PODN: variants seen among roughly 807,000 people sequenced by gnomAD.
PODN encodes podocan.
PODN carries 40 observed loss-of-function variants against 52.7 expected under a neutral mutation model. The ratio of observed to expected loss-of-function variants is 0.76; its 90% CI spans 0.59 to 0.99. The LOEUF (loss-of-function observed/expected upper bound fraction) is 0.99, where lower values mean the gene tolerates loss of function less well. Among genes scored for constraint, PODN ranks in the 50% least tolerant of loss-of-function variants. PODN has a pLI of 0.00. For missense variants in PODN, 720 were observed against 815.1 expected (o/e 0.88, Z 1.42); for synonymous variants, 396 against 377.9 (o/e 1.05, Z -0.56).
chr1:53,063,076 C>G (rs957325181), intron 1 of PODN, among the ~76,000 whole-genome samples: 14 of 152,008 alleles, frequency 9.2e-5, no homozygotes, highest in Non-Finnish European at 1.9e-4. Flanking sequence ...GGTCCCCGAG[C>G]CACAGCCCGG....
At chr1:53,071,755 C>A (rs1644121936) in intron 3 of PODN, 127 bp downstream of exon 3, 1 of 918,874 alleles carries the variant, frequency 1.1e-6, no homozygotes, top group Non-Finnish European at 1.6e-6. Flanking sequence ...AGAGAGCAGG[C>A]CCGGGCCAGG....
chr1:53,083,558 G>A (rs1181545380), intron 10 of PODN, among the ~76,000 whole-genome samples: 2 of 152,206 alleles, frequency 1.3e-5, no homozygotes, highest in African/African-American at 2.4e-5. Flanking sequence ...CATGTCAGCC[G>A]GATCCCTCCA....
At chr1:53,080,047 A>T (rs1039498876) in intron 8 of PODN, among the ~76,000 whole-genome samples, 7 of 79,204 alleles carry the variant, frequency 8.8e-5, no homozygotes, top group African/African-American at 2.5e-4. Context: ...CCTGGGAGGG[A>T]GGGTGGGGTG....
At chr1:53,071,730 TG>T in intron 3 of PODN, 102 bp downstream of exon 3, 2 of 1,188,586 alleles carry the variant, frequency 1.7e-6, no homozygotes, top group African/African-American at 1.5e-5. Context: ...CTGCGGATCT[TG>T]GGGTGTGGAT....
At chr1:53,076,809 T>C (rs972527329) in intron 5 of PODN, among the ~76,000 whole-genome samples, 10 of 152,086 alleles carry the variant, frequency 6.6e-5, no homozygotes, top group African/African-American at 2.4e-4. Context: ...AGGCCCTGTG[T>C]TTAGGAAGTC....
chr1:53,065,995 C>CTT (rs780284767), intron 1 of PODN, among the ~76,000 whole-genome samples: 3,408 of 115,214 alleles, frequency 0.03, 135 homozygotes, highest in Middle Eastern at 0.057. Flanking sequence ...TTCTAGAGGT[C>CTT]TTTTTTTTTT....
At chr1:53,082,703 C>T (rs1644313274) in intron 10 of PODN, among the ~76,000 whole-genome samples, 1 of 152,170 alleles carries the variant, frequency 6.6e-6, no homozygotes, top group African/African-American at 2.4e-5. Context: ...ACGGATGCAC[C>T]AACACACATA....
At chr1:53,079,053 C>G in intron 8 of PODN, 31 bp downstream of exon 8, 4 of 1,485,430 alleles carry the variant, frequency 2.7e-6, no homozygotes, top group Non-Finnish European at 3.6e-6. Flanking sequence ...TGAGCCATGC[C>G]CATGGAGGGG....
chr1:53,075,868 T>C lies in PODN; in HGVS notation c.478T>C (p.Leu160=). Residue 160 remains leucine (L), a synonymous_variant, in exon 5 of 11, where the codon TTG becomes CTG. Transcript: ENST00000312553. ...YLYLANNKLT[L]APRFLPNALI... ...CCAACTCTTCCCTTCCCAGCTGACCTTGGCACCCCGCTTCCTGCCAAACGC... is the reference window on the plus strand; with the variant it reads ...CCAACTCTTCCCTTCCCAGCTGACCCTGGCACCCCGCTTCCTGCCAAACGC... 2.5e-6 allele frequency: 4 copies of C among 1,597,116 alleles called. No homozygotes were observed. The highest frequency in any genetic ancestry group is 3.4e-6 in the Non-Finnish European group (4 of 1,170,044).
intron 1 of PODN, 23 bp downstream of exon 1, chr1:53,062,331 G>A: frequency 8.0e-7 from 1 of 1,242,252 alleles, no homozygotes; most frequent in Non-Finnish European, 1.0e-6. Flanking sequence ...GGCAGCCGGG[G>A]TGGGCCGAGG....
intron 2 of PODN, chr1:53,071,299 T>C: frequency 2.2e-6 from 1 of 457,306 alleles, no homozygotes; most frequent in Non-Finnish European, 3.9e-6. Context: ...TGTCCATGTG[T>C]GGGCTCCCTG....
chr1:53,071,467 AGGGAAT>A, intron 2 of PODN, 62 bp from the exon 3 acceptor site: 1 of 1,286,780 alleles, frequency 7.8e-7, no homozygotes, highest in Middle Eastern at 1.9e-4. Flanking sequence ...AGCTATGGGT[AGGGAAT>A]GGAGTCCAGG....
chr1:53,080,933 C>T (rs1644287383), intron 9 of PODN, 57 bp downstream of exon 9: 40 of 1,595,308 alleles, frequency 2.5e-5, no homozygotes, highest in Admixed American at 3.4e-5. Flanking sequence ...CTGGCTCCAA[C>T]GGGACAGTTG....
chr1:53,063,132 C>A (rs772402398), intron 1 of PODN, among the ~76,000 whole-genome samples: 2 of 152,206 alleles, frequency 1.3e-5, no homozygotes, highest in Non-Finnish European at 2.9e-5. Context: ...CCTGACGCTC[C>A]GTCAGGTGGA....
At position 53,070,113 on chromosome 1, in the gene PODN, C is replaced by T. The variant is rs758953587; in HGVS notation, c.258C>T (p.Asp86=). The T allele has an allele frequency of 6.2e-7, 1 of 1,612,414 alleles. No homozygotes were observed. The highest frequency in any genetic ancestry group is 1.1e-5 in the South Asian group (1 of 91,070). ...QEGVVDCGGI[D]LREFPGDLPE... ...GCGTCGTGGACTGTGGCGGTATTGA[C>T]CTGCGTGAGTTCCCGGGGGACCTGC... Residue 86 remains aspartate (D), a synonymous_variant, in exon 2 of 11, where the codon GAC becomes GAT. Coordinates refer to ENST00000312553, the MANE Select transcript of PODN (RefSeq NM_153703.5).
intron 1 of PODN, among the ~76,000 whole-genome samples, chr1:53,067,248 C>A (rs17107812): frequency 0.04 from 6,133 of 152,110 alleles, 221 homozygotes; most frequent in East Asian, 0.2. Context: ...GAGTCTCCAT[C>A]AACCATGTGG....
chr1:53,077,171 C>T lies in PODN; in HGVS notation c.582-19C>T, dbSNP rs1229438795. The T allele has an allele frequency of 1.2e-6, 2 of 1,611,348 alleles. No individual in the cohort carries two copies. The highest frequency in any genetic ancestry group is 1.3e-5 in the African/African-American group (1 of 74,928). ...CCTGGGGAGCCCAGGTGGGTGAGGA[C>T]CTGTGCCTTGACCCCCAGGTCTGTG... On this transcript the variant is annotated intron_variant, in intron 5 of 10. Transcript: ENST00000312553.
At chr1:53,077,494 G>C in intron 6 of PODN, 148 bp downstream of exon 6, 16 of 1,324,862 alleles carry the variant, frequency 1.2e-5, no homozygotes, top group Non-Finnish European at 1.3e-5. Flanking sequence ...GTCTACTGTG[G>C]AGAAGTGGGC....
intron 8 of PODN, among the ~76,000 whole-genome samples, chr1:53,080,189 G>A (rs559861568): frequency 6.6e-6 from 1 of 152,244 alleles, no homozygotes; most frequent in South Asian, 2.1e-4. Context: ...TGTTGTGCTG[G>A]GGTCACTGTG....
Sources: allele counts gnomAD v4.1 joint callset (sites outside exome capture counted in the v4.1 genomes callset), GRCh38; gene constraint gnomAD v4.1.1; transcripts MANE v1.5; gene names NCBI Gene and HGNC (gene_info 2026-07-23, HGNC 2026-07-21).